The following DPY19L3 variants were observed in gnomAD, a reference collection of about 807,000 sequenced individuals.
DPY19L3 encodes the protein protein C-mannosyl-transferase DPY19L3.
In DPY19L3, 51 loss-of-function variants were observed where a neutral mutation model predicts 92.3. That is an observed-to-expected ratio of 0.55 (90% CI 0.44 to 0.70). DPY19L3 has a LOEUF of 0.70. DPY19L3 is among the 30% of genes least tolerant of loss of function. DPY19L3 has a pLI of 0.00. For missense variants in DPY19L3, 706 were observed against 855.9 expected (o/e 0.82, Z 2.18); for synonymous variants, 309 against 315.2 (o/e 0.98, Z 0.21).
intron 10 of DPY19L3, among the ~76,000 whole-genome samples, chr19:32,456,436 T>C (rs2145572937): frequency 6.6e-6 from 1 of 152,066 alleles, no homozygotes; most frequent in South Asian, 2.1e-4. Context: ...TTTCTAAATT[T>C]TTTTTGCTTT....
intron 3 of DPY19L3, 78 bp from the exon 4 acceptor site, chr19:32,432,632 CAGTTAT>C: frequency 8.9e-7 from 1 of 1,127,336 alleles, no homozygotes; most frequent in Middle Eastern, 2.1e-4. Context: ...TTTCAAGTTG[CAGTTAT>C]GTATCCTTTC....
At chr19:32,473,241 G>C (rs140157601) in intron 16 of DPY19L3, among the ~76,000 whole-genome samples, 1 of 152,320 alleles carries the variant, frequency 6.6e-6, no homozygotes, top group African/African-American at 2.4e-5. Context: ...ATTTCTTACA[G>C]AACAAATTGT....
chr19:32,465,637 A>G (rs1272397598), intron 15 of DPY19L3, among the ~76,000 whole-genome samples: 2 of 152,230 alleles, frequency 1.3e-5, no homozygotes, highest in East Asian at 1.9e-4. Context: ...CAGCTAGAGC[A>G]GCTCAGCTTT....
chr19:32,479,706 A>G (rs939150828), intron 17 of DPY19L3: 6 of 360,326 alleles, frequency 1.7e-5, no homozygotes, highest in South Asian at 4.2e-5. Flanking sequence ...TTCCAGCCCC[A>G]GAATCTGGGA....
chr19:32,434,709 T>C (rs941145241), intron 4 of DPY19L3, among the ~76,000 whole-genome samples: 5 of 152,228 alleles, frequency 3.3e-5, no homozygotes, highest in African/African-American at 1.2e-4. Context: ...CGACAGACTC[T>C]TAAATGGCAG....
At chr19:32,477,681 C>T in intron 17 of DPY19L3, 27 bp downstream of exon 17, 3 of 1,613,108 alleles carry the variant, frequency 1.9e-6, no homozygotes, top group South Asian at 2.2e-5. Flanking sequence ...CCTCCCCTCG[C>T]TTCTTGTGGG....
chr19:32,467,276 A>G (rs779788717), intron 15 of DPY19L3, among the ~76,000 whole-genome samples: 3 of 152,240 alleles, frequency 2.0e-5, no homozygotes, highest in Admixed American at 6.5e-5. Flanking sequence ...TAATAACAGT[A>G]ACTTTCAAAC....
chr19:32,452,659 A>G (rs1049051765), intron 8 of DPY19L3, among the ~76,000 whole-genome samples: 5 of 152,068 alleles, frequency 3.3e-5, no homozygotes, highest in Non-Finnish European at 7.4e-5. Context: ...TAAAAGGTAA[A>G]TAAACAGTTG....
chr19:32,431,712 TAAAAC>T (rs1968975493), intron 3 of DPY19L3, among the ~76,000 whole-genome samples: 1 of 152,220 alleles, frequency 6.6e-6, no homozygotes, highest in Non-Finnish European at 1.5e-5. Context: ...ATATAGTTCA[TAAAAC>T]AAAGTTTGTA....
intron 13 of DPY19L3, 82 bp from the exon 14 acceptor site, chr19:32,463,784 TGTA>T: frequency 8.2e-7 from 1 of 1,224,192 alleles, no homozygotes; most frequent in Non-Finnish European, 1.2e-6. Context: ...CGTCATAGAC[TGTA>T]AAGCTGCCTT....
intron 10 of DPY19L3, among the ~76,000 whole-genome samples, chr19:32,457,421 C>G (rs1969900451): frequency 6.6e-6 from 1 of 152,172 alleles, no homozygotes; most frequent in African/African-American, 2.4e-5. Flanking sequence ...AGATTTGTGG[C>G]TCATCTCTAA....
intron 16 of DPY19L3, among the ~76,000 whole-genome samples, chr19:32,475,310 GCAGTGAGACTA>G (rs983289407): frequency 1.3e-5 from 2 of 152,206 alleles, no homozygotes; most frequent in Non-Finnish European, 2.9e-5. Flanking sequence ...CACTGTTCAG[GCAGTGAGACTA>G]CAAACCAGGA....
chr19:32,478,305 G>A (rs76706443), intron 17 of DPY19L3, among the ~76,000 whole-genome samples: 5,479 of 152,278 alleles, frequency 0.036, 352 homozygotes, highest in Admixed American at 0.17. Flanking sequence ...GGGAAGAACC[G>A]AGAAGACACA....
rs2302771 is a variant in DPY19L3 at position 32,405,926 on chromosome 19, C to G, written c.-38+17C>G. The G allele has an allele frequency of 0.43, 64,638 of 151,512 alleles. 14,901 individuals are homozygous for G. Among genetic ancestry groups the G allele is most frequent in the Non-Finnish European group, 0.53 (36,053 of 67,784 alleles). 9.4% of individuals were successfully genotyped at this position (151,512 alleles called of 1,614,324 possible). On this transcript the variant is annotated intron_variant, in intron 1 of 18. Coordinates refer to ENST00000392250, the MANE Select transcript of DPY19L3 (RefSeq NM_001172774.2). ...AGGCCGCAGGTCTGTGGCGGCGCGC[C>G]GGGACGCGCGGGCGAGGGTCTACCG...
rs757454312 is a variant in DPY19L3, at chr19:32,411,201, A to G, written c.104-38A>G. 13 of 1,579,478 alleles carry G rather than the reference A, an allele frequency of 8.2e-6. No individual in the cohort carries two copies. In the East Asian group the frequency reaches 2.7e-4, roughly 33 times the overall value. On this transcript the variant is annotated intron_variant, in intron 2 of 18. Coordinates refer to ENST00000392250, the MANE Select transcript of DPY19L3 (RefSeq NM_001172774.2). ...AGAACTATTACATTCTGATTTTTTT[A>G]CTGACTTAGTTATTTATCTGTTCCA...
At chr19:32,467,125 A>G (rs1367586795) in intron 15 of DPY19L3, among the ~76,000 whole-genome samples, 1 of 152,202 alleles carries the variant, frequency 6.6e-6, no homozygotes, top group Non-Finnish European at 1.5e-5. Context: ...TAAAATTAGG[A>G]CGTTGGTCTT....
chr19:32,456,028 A>G (rs1425504847), intron 10 of DPY19L3, among the ~76,000 whole-genome samples: 2 of 151,444 alleles, frequency 1.3e-5, no homozygotes, highest in African/African-American at 2.4e-5. Flanking sequence ...TCTGTTGACT[A>G]TCAAAGAAAA....
At chr19:32,436,852 A>G (rs1969158269) in intron 5 of DPY19L3, among the ~76,000 whole-genome samples, 2 of 152,214 alleles carry the variant, frequency 1.3e-5, no homozygotes, top group African/African-American at 4.8e-5. Context: ...GTGATTACAC[A>G]TTCACTCCTG....
intron 15 of DPY19L3, chr19:32,468,471 A>G (rs1970260688): frequency 8.8e-7 from 1 of 1,131,276 alleles, no homozygotes; most frequent in Non-Finnish European, 1.1e-6. Context: ...TTGGAGCAAA[A>G]TAAAAAGCTC....
Sources: gnomAD v4.1 joint callset for allele counts (sites outside exome capture counted in the v4.1 genomes callset) on GRCh38, gnomAD v4.1.1 for gene constraint, MANE v1.5 for transcripts, NCBI Gene and HGNC (gene_info 2026-07-23, HGNC 2026-07-21) for gene names.